ATP6V1G3: variants seen among roughly 807,000 people sequenced by gnomAD.
ATP6V1G3 encodes the protein V-type proton ATPase subunit G 3.
In ATP6V1G3, 9 loss-of-function variants were observed where a neutral mutation model predicts 9.3. That is an observed-to-expected ratio of 0.97 (90% CI 0.59 to 1.69). The LOEUF (loss-of-function observed/expected upper bound fraction) is 1.69. Among genes scored for constraint, ATP6V1G3 ranks in the 40% most tolerant of loss-of-function variants. The pLI is 0.00. For synonymous variants in ATP6V1G3, 43 were observed against 43.8 expected (o/e 0.98, Z 0.07); for missense variants, 133 against 139.0 (o/e 0.96, Z 0.22).
Position 198,523,294 on chromosome 1 carries a change from G to A in ATP6V1G3, c.*97C>T. 1.7e-6 allele frequency: 2 copies of A among 1,195,054 alleles called. No individual in the cohort carries two copies. The highest frequency in any genetic ancestry group is 2.4e-6 in the Non-Finnish European group (2 of 845,808). 74.0% of individuals were successfully genotyped at this position (1,195,054 alleles called of 1,614,324 possible). A position where few individuals can be genotyped will look rare whatever the true frequency, so the allele number is the denominator to read the frequency against. Reference sequence around the variant, plus strand: ...CATTTCCTGTAAATGTAAATTTAAGGTTCTCATTTCAAATTTCTCAACATA... The same window carrying A: ...CATTTCCTGTAAATGTAAATTTAAGATTCTCATTTCAAATTTCTCAACATA... On this transcript the variant is annotated 3_prime_UTR_variant, in exon 3 of 3. Transcript: ENST00000367382.
intron 1 of ATP6V1G3, among the ~76,000 whole-genome samples, chr1:198,534,259 G>A (rs943712810): frequency 6.6e-6 from 1 of 152,138 alleles, no homozygotes; most frequent in Non-Finnish European, 1.5e-5. Context: ...TCTCTTATAA[G>A]GGAAATTTGA....
At chr1:198,526,795 T>G (rs1183314570) in intron 2 of ATP6V1G3, among the ~76,000 whole-genome samples, 1 of 152,154 alleles carries the variant, frequency 6.6e-6, no homozygotes, top group Non-Finnish European at 1.5e-5. Context: ...GATATAAAGG[T>G]CTTCAATATG....
rs1659512085 is a variant in ATP6V1G3, at chr1:198,523,237, T to G, written c.*154A>C. 1.4e-6 allele frequency: 1 copy of G among 715,916 alleles called. No homozygotes were observed. The highest frequency in any genetic ancestry group is 1.8e-5 in the African/African-American group (1 of 55,524). 44.3% of individuals were successfully genotyped at this position (715,916 alleles called of 1,614,324 possible). On this transcript the variant is annotated 3_prime_UTR_variant, in exon 3 of 3. Coordinates refer to ENST00000367382, the MANE Select transcript of ATP6V1G3 (RefSeq NM_001376861.1). ...ATAGCAACAGTTGTATTTTGTTTTG[T>G]TTAATTCAGTGCCGATGTATGAGTT...
chr1:198,538,477 T>C (rs1660208861), intron 1 of ATP6V1G3, among the ~76,000 whole-genome samples: 1 of 152,208 alleles, frequency 6.6e-6, no homozygotes, highest in Non-Finnish European at 1.5e-5. Flanking sequence ...ATTTGAGTCA[T>C]ACAATAATAT....
intron 1 of ATP6V1G3, among the ~76,000 whole-genome samples, chr1:198,537,421 GTCTT>G (rs1292884531): frequency 1.3e-5 from 2 of 151,640 alleles, no homozygotes; most frequent in South Asian, 4.2e-4. Flanking sequence ...CCTTCTTCCT[GTCTT>G]TCTTTTTCTT....
intron 1 of ATP6V1G3, among the ~76,000 whole-genome samples, chr1:198,539,183 A>G (rs1281279153): frequency 6.6e-6 from 1 of 152,136 alleles, no homozygotes; most frequent in African/African-American, 2.4e-5. Flanking sequence ...CAGGAAATCT[A>G]TTTATCTTAA....
chr1:198,528,762 A>C (rs1659766464), intron 2 of ATP6V1G3, among the ~76,000 whole-genome samples: 1 of 152,086 alleles, frequency 6.6e-6, no homozygotes, highest in Non-Finnish European at 1.5e-5. Context: ...TAAAACATGT[A>C]GTCAATAATC....
intron 2 of ATP6V1G3, among the ~76,000 whole-genome samples, chr1:198,524,172 T>C (rs1048448964): frequency 6.6e-6 from 1 of 150,402 alleles, no homozygotes; most frequent in African/African-American, 2.4e-5. Context: ...TCGCCCAGGC[T>C]GGAGTGCAAT....
intron 2 of ATP6V1G3, among the ~76,000 whole-genome samples, chr1:198,524,678 AT>A (rs1187378523): frequency 6.6e-6 from 1 of 152,218 alleles, no homozygotes; most frequent in Non-Finnish European, 1.5e-5. Context: ...ATTTAAAGGA[AT>A]TCTGCAGTGA....
At chr1:198,536,398 C>A (rs952774708) in intron 1 of ATP6V1G3, among the ~76,000 whole-genome samples, 1 of 152,022 alleles carries the variant, frequency 6.6e-6, no homozygotes, top group Non-Finnish European at 1.5e-5. Flanking sequence ...AGTTCAATAC[C>A]CCAAACCTGG....
intron 1 of ATP6V1G3, among the ~76,000 whole-genome samples, chr1:198,534,217 G>T (rs528318006): frequency 1.3e-5 from 2 of 152,280 alleles, no homozygotes; most frequent in East Asian, 1.9e-4. Flanking sequence ...AGGTATAAGG[G>T]ATTAAGACAG....
intron 1 of ATP6V1G3, 26 bp from the exon 2 acceptor site, chr1:198,529,207 T>G: frequency 2.2e-6 from 1 of 459,384 alleles, no homozygotes; most frequent in Non-Finnish European, 3.3e-6. Context: ...TATATATATA[T>G]ATATATATAA....
In ATP6V1G3 at chr1:198,539,356, A is replaced by T. The variant is rs536098078; in HGVS notation, c.82+1213T>A. The stretch of plus-strand genomic sequence containing the variant: ...ACTACATTCATCCAAAGAGTTACAT[A>T]AGTAACATTTTGAAAATATGGCCCC... On this transcript the variant is annotated intron_variant, in intron 1 of 2. Coordinates refer to ENST00000367382, the MANE Select transcript of ATP6V1G3 (RefSeq NM_001376861.1). Among the ~76,000 whole-genome samples, 4 of 152,320 alleles carry T rather than the reference A, an allele frequency of 2.6e-5. No individual in the cohort carries two copies. The South Asian group carries it at 8.3e-4, about 32-fold the overall frequency.
At position 198,529,195 on chromosome 1, in the gene ATP6V1G3, A is replaced by AATAT. The variant is rs139314248; in HGVS notation, c.83-18_83-15dup. The AATAT allele has an allele frequency of 7.3e-3, 3,383 of 465,774 alleles. 62 individuals are homozygous for AATAT. The highest frequency in any genetic ancestry group is 0.055 in the African/African-American group (2,457 of 44,818). The allele number at this position is 465,774 out of a possible 1,614,324, so 28.9% of individuals were successfully genotyped here. On this transcript the variant is annotated splice_polypyrimidine_tract_variant and intron_variant, in intron 1 of 2. Transcript: ENST00000367382. ...GCTTTCCTTTTCCTGAAAATTAACAAATATATATATATATATATATAATTA... is the reference window on the plus strand; with the variant it reads ...GCTTTCCTTTTCCTGAAAATTAACAAATATATATATATATATATATATATAATTA...
At chr1:198,525,281 C>T (rs548484857) in intron 2 of ATP6V1G3, among the ~76,000 whole-genome samples, 6 of 152,206 alleles carry the variant, frequency 3.9e-5, no homozygotes, top group African/African-American at 1.4e-4. Flanking sequence ...TCAGTGTCTT[C>T]TAGTGGTAAA....
At chr1:198,527,234 C>G (rs1371763105) in intron 2 of ATP6V1G3, among the ~76,000 whole-genome samples, 6 of 152,216 alleles carry the variant, frequency 3.9e-5, no homozygotes, top group African/African-American at 1.4e-4. Flanking sequence ...GAGAGAAGAT[C>G]TGTGCTAATG....
chr1:198,533,174 C>T (rs576982830), intron 1 of ATP6V1G3, among the ~76,000 whole-genome samples: 1 of 151,792 alleles, frequency 6.6e-6, no homozygotes, highest in South Asian at 2.1e-4. Flanking sequence ...CATGGTGGTG[C>T]GTGCCTGTAG....
intron 2 of ATP6V1G3, among the ~76,000 whole-genome samples, chr1:198,525,396 T>C (rs1220894573): frequency 2.0e-5 from 3 of 152,192 alleles, no homozygotes; most frequent in African/African-American, 4.8e-5. Context: ...TGAATGACTT[T>C]GGAAAAGTTA....
At chr1:198,535,753 G>C (rs960482843) in intron 1 of ATP6V1G3, among the ~76,000 whole-genome samples, 1 of 151,882 alleles carries the variant, frequency 6.6e-6, no homozygotes, top group Admixed American at 6.6e-5. Context: ...TCTCCATTTT[G>C]AGGCTGAGGA....
Sources: allele counts gnomAD v4.1 joint callset (sites outside exome capture counted in the v4.1 genomes callset), GRCh38; gene constraint gnomAD v4.1.1; transcripts MANE v1.5; gene names NCBI Gene and HGNC (gene_info 2026-07-23, HGNC 2026-07-21).